Variants in ONECUT1 observed in about 807,000 individuals in gnomAD.
ONECUT1 encodes the protein hepatocyte nuclear factor 6.
Under a neutral mutation model 25.6 loss-of-function variants are expected in ONECUT1, and 12 were observed. The observed-to-expected ratio is 0.47, with a 90% CI of 0.30 to 0.76. The LOEUF (loss-of-function observed/expected upper bound fraction) is 0.76, where lower values mean the gene tolerates loss of function less well. ONECUT1 is among the 30% of genes least tolerant of loss of function. The pLI, the probability that ONECUT1 is intolerant of heterozygous loss-of-function variation, is 0.07. For missense variants in ONECUT1, 620 were observed against 651.2 expected (o/e 0.95, Z 0.52); for synonymous variants, 285 against 270.2 (o/e 1.05, Z -0.54).
chr15:52,774,316 T>C (rs937061035), intron 1 of ONECUT1, among the ~76,000 whole-genome samples: 1 of 151,850 alleles, frequency 6.6e-6, no homozygotes, highest in Non-Finnish European at 1.5e-5. Context: ...TATTTATTTT[T>C]TGAGACAGAG....
At chr15:52,770,847 T>C (rs568734124) in intron 1 of ONECUT1, among the ~76,000 whole-genome samples, 91 of 152,310 alleles carry the variant, frequency 6.0e-4, no homozygotes, top group Admixed American at 2.2e-3. Context: ...GGATATGAAC[T>C]CTGTGTCAGT....
In ONECUT1 at chr15:52,757,854, A is replaced by G. The variant is rs1260990440; in HGVS notation, c.1106-7T>C. The G allele has an allele frequency of 3.7e-6, 6 of 1,610,876 alleles. No individual in the cohort carries two copies. Among genetic ancestry groups the G allele is most frequent in the Non-Finnish European group, 5.1e-6 (6 of 1,178,222 alleles). On this transcript the variant is annotated splice_polypyrimidine_tract_variant and splice_region_variant and intron_variant, in intron 1 of 1. Coordinates refer to ENST00000305901, the MANE Select transcript of ONECUT1 (RefSeq NM_004498.4). ...TGTTCTTTCCTTTTGCATGCTGTGAAGAAACACAGAAGATGTTAGAACAAA... is the reference window on the plus strand; with the variant it reads ...TGTTCTTTCCTTTTGCATGCTGTGAGGAAACACAGAAGATGTTAGAACAAA...
Position 52,757,309 on chromosome 15 carries a change from T to G in ONECUT1, c.*246A>C. Reference sequence around the variant, plus strand: ...CGAGGATGGTCATGGATTGAAGGTGTGAGATCCAGTGGTGTTTTCCTGCTC... The same window carrying G: ...CGAGGATGGTCATGGATTGAAGGTGGGAGATCCAGTGGTGTTTTCCTGCTC... On this transcript the variant is annotated 3_prime_UTR_variant, in exon 2 of 2. Transcript: ENST00000305901. The G allele has an allele frequency of 6.1e-6, 3 of 491,906 alleles. No individual in the cohort carries two copies. The highest frequency in any genetic ancestry group is 7.1e-6 in the Non-Finnish European group (2 of 280,028). 30.5% of individuals were successfully genotyped at this position (491,906 alleles called of 1,614,324 possible).
chr15:52,758,046 G>A (rs952694434), intron 1 of ONECUT1, among the ~76,000 whole-genome samples, 199 bp from the exon 2 acceptor site: 3 of 152,190 alleles, frequency 2.0e-5, no homozygotes, highest in Admixed American at 6.5e-5. Context: ...AGTTCTGTGA[G>A]GCCTGGGCAT....
Position 52,788,750 on chromosome 15 carries a change from C to A in ONECUT1, c.1105+30G>T. On this transcript the variant is annotated intron_variant, in intron 1 of 1. Transcript: ENST00000305901. This position sits in a 1 kb window ranked among gnomAD's most constrained non-coding sequence, Gnocchi z 4.3. Reference sequence around the variant, plus strand: ...CCTTCGGCTTTCGTGTACCTTATCTCCCGCGCGCCCAGCTCCTTGGCCGGC... The same window carrying A: ...CCTTCGGCTTTCGTGTACCTTATCTACCGCGCGCCCAGCTCCTTGGCCGGC... 6.3e-7 allele frequency: 1 copy of A among 1,584,366 alleles called. No homozygotes were observed. Among genetic ancestry groups the A allele is most frequent in the Non-Finnish European group, 8.6e-7 (1 of 1,165,916 alleles).
At position 52,777,664 on chromosome 15, in the gene ONECUT1, C is replaced by T. The variant is rs2083809448; in HGVS notation, c.1105+11116G>A. Reference sequence around the variant, plus strand: ...ATCCTCCAGATCTTCAAAATTGTCCCTTCATCACACCTTAAACTCCTCCTT... The same window carrying T: ...ATCCTCCAGATCTTCAAAATTGTCCTTTCATCACACCTTAAACTCCTCCTT... On this transcript the variant is annotated intron_variant, in intron 1 of 1. Transcript: ENST00000305901. 2.0e-5 allele frequency among the ~76,000 whole-genome samples: 3 copies of T among 149,168 alleles called. No homozygotes were observed. The South Asian group carries it at 6.4e-4, about 32-fold the overall frequency.
At chr15:52,765,368 A>G (rs1397365261) in intron 1 of ONECUT1, among the ~76,000 whole-genome samples, 1 of 152,226 alleles carries the variant, frequency 6.6e-6, no homozygotes, top group Non-Finnish European at 1.5e-5. Context: ...CCATGCACAC[A>G]GGGTGAGCCC....
intron 1 of ONECUT1, among the ~76,000 whole-genome samples, chr15:52,766,113 C>G (rs2083732668): frequency 6.6e-6 from 1 of 152,190 alleles, no homozygotes; most frequent in South Asian, 2.1e-4. Flanking sequence ...CAGACATTCC[C>G]AGTGGGGAAT....
intron 1 of ONECUT1, among the ~76,000 whole-genome samples, chr15:52,767,182 A>T (rs1384199675): frequency 6.6e-6 from 1 of 152,178 alleles, no homozygotes; most frequent in Non-Finnish European, 1.5e-5. Flanking sequence ...GAGCCAGCAC[A>T]GGGCCCCATG....
At chr15:52,778,111 A>C (rs1235050466) in intron 1 of ONECUT1, among the ~76,000 whole-genome samples, 1 of 152,196 alleles carries the variant, frequency 6.6e-6, no homozygotes, top group Non-Finnish European at 1.5e-5. Flanking sequence ...ACTGCCTACC[A>C]AACAATATGT....
chr15:52,780,966 C>T, intron 1 of ONECUT1: 2 of 1,007,282 alleles, frequency 2.0e-6, no homozygotes, highest in Non-Finnish European at 2.5e-6. Context: ...GCAAGATGCC[C>T]TCTAGACAAC....
intron 1 of ONECUT1, among the ~76,000 whole-genome samples, chr15:52,775,242 A>T (rs2141456153): frequency 6.6e-6 from 1 of 151,830 alleles, no homozygotes; most frequent in East Asian, 1.9e-4. Context: ...CCACTGAAGC[A>T]CTTGGGAGCA....
chr15:52,777,724 ACACACACAC>A lies in ONECUT1; in HGVS notation c.1105+11047_1105+11055del, dbSNP rs1566992321. On this transcript the variant is annotated intron_variant, in intron 1 of 1. Coordinates refer to ENST00000305901, the MANE Select transcript of ONECUT1 (RefSeq NM_004498.4). Reference sequence around the variant, plus strand: ...CACACACACACACACACACACACACACACACACACACACAAAAAAACATGTAAAGTTATT... The same window carrying A: ...CACACACACACACACACACACACACAACACAAAAAAACATGTAAAGTTATT... Among the ~76,000 whole-genome samples, 20 of 118,296 alleles carry A rather than the reference ACACACACAC, an allele frequency of 1.7e-4. 1 individual carries two copies. In the East Asian group the frequency reaches 5.0e-3, roughly 29 times the overall value. The allele number at this position is 118,296 out of a possible 152,430, so 77.6% of individuals were successfully genotyped here.
chr15:52,772,824 T>C (rs1004301563), intron 1 of ONECUT1, among the ~76,000 whole-genome samples: 5 of 152,350 alleles, frequency 3.3e-5, no homozygotes, highest in Non-Finnish European at 5.9e-5. Context: ...GTACTGGGCT[T>C]GTTTTAGGGT....
chr15:52,761,504 C>G (rs558760398), intron 1 of ONECUT1, among the ~76,000 whole-genome samples: 5 of 152,254 alleles, frequency 3.3e-5, no homozygotes, highest in East Asian at 3.9e-4. Context: ...AACCCTGTCT[C>G]TACTAAACAT....
In ONECUT1 at chr15:52,789,151, T is replaced by C. The variant is rs139864693; in HGVS notation, c.734A>G (p.Asn245Ser). 276 of 1,596,538 alleles carry C rather than the reference T, an allele frequency of 1.7e-4. 1 individual carries two copies. The highest frequency in any genetic ancestry group is 2.2e-4 in the Non-Finnish European group (258 of 1,176,752). Residue 245 changes from asparagine to serine, a missense_variant, in exon 1 of 2, where the codon AAC (asparagine) becomes AGC (serine). Asn to Ser is a conservative substitution (Grantham distance 46, BLOSUM62 1). Coordinates refer to ENST00000305901, the MANE Select transcript of ONECUT1 (RefSeq NM_004498.4). This position sits in a 1 kb window ranked among gnomAD's most constrained non-coding sequence, Gnocchi z 4.1. ...TPTSAGMVPINGLPPHHPHAH... is the reference protein window; with the variant it reads ...TPTSAGMVPISGLPPHHPHAH... ...GTGGGGATGGTGCGGAGGAAGGCCG[T>C]TGATGGGCACCATGCCGGCCGAGGT...
At chr15:52,769,752 A>G (rs1488182897) in intron 1 of ONECUT1, among the ~76,000 whole-genome samples, 1 of 152,178 alleles carries the variant, frequency 6.6e-6, no homozygotes, top group Non-Finnish European at 1.5e-5. Context: ...TACCAAGGTT[A>G]GGTGCCCAGG....
In ONECUT1 at chr15:52,788,555, G is replaced by A. The variant is rs2141466763; in HGVS notation, c.1105+225C>T. The A allele has an allele frequency of 3.9e-6, 2 of 506,708 alleles. No individual in the cohort carries two copies. Among genetic ancestry groups the A allele is most frequent in the South Asian group, 4.1e-5 (1 of 24,362 alleles). 31.4% of individuals were successfully genotyped at this position (506,708 alleles called of 1,614,324 possible). ...CCTCTTCAGTCGCCGAGGCCCGGCCGCTTAGCTCTCGGAGCCTTCCACAGC... is the reference window on the plus strand; with the variant it reads ...CCTCTTCAGTCGCCGAGGCCCGGCCACTTAGCTCTCGGAGCCTTCCACAGC... On this transcript the variant is annotated intron_variant, in intron 1 of 1. Transcript: ENST00000305901. This position sits in a 1 kb window ranked among gnomAD's most constrained non-coding sequence, Gnocchi z 4.3.
intron 1 of ONECUT1, among the ~76,000 whole-genome samples, chr15:52,774,192 G>C (rs1441039624): frequency 1.3e-5 from 2 of 150,834 alleles, no homozygotes; most frequent in Non-Finnish European, 3.0e-5. Context: ...GGGTGCTGTG[G>C]GTGATTCTTT....
Sources: gnomAD v4.1 joint callset for allele counts (sites outside exome capture counted in the v4.1 genomes callset) on GRCh38, gnomAD v4.1.1 for gene constraint, Gnocchi (gnomAD v3.1) non-coding constraint, MANE v1.5 for transcripts, NCBI Gene and HGNC (gene_info 2026-07-23, HGNC 2026-07-21) for gene names.